SECTM1: variants seen among roughly 807,000 people sequenced by gnomAD.
The protein encoded by SECTM1 is secreted and transmembrane protein 1.
A neutral mutation model predicts 18.1 loss-of-function variants in SECTM1; 10 were observed. That is an observed-to-expected ratio of 0.55 (90% CI 0.34 to 0.94). The LOEUF is 0.94. Ranked by LOEUF, SECTM1 falls within the 40% of genes least tolerant of loss-of-function variation. The pLI is 0.02. For synonymous variants in SECTM1, 137 were observed against 139.2 expected, an observed-to-expected ratio of 0.98 and a Z score of 0.11; for missense variants, 297 against 322.6, an observed-to-expected ratio of 0.92 and a Z score of 0.61.
chr17:82,327,181 C>T lies in SECTM1; in HGVS notation c.60G>A (p.Leu20=). 1 of 1,612,708 alleles carries T rather than the reference C, an allele frequency of 6.2e-7. No individual in the cohort carries two copies. The highest frequency in any genetic ancestry group is 8.5e-7 in the Non-Finnish European group (1 of 1,179,354). The change falls in exon 2 of 5, where the codon CTG becomes CTA. Residue 20 remains leucine, a synonymous_variant. Transcript: ENST00000269389. ...GHVSQALGTL[L]FLAASLSAQN... is the part of the protein sequence containing the mutation. The stretch of plus-strand genomic sequence containing the variant: ...GAGCACTCAAGGAGGCAGCCAAAAA[C>T]AGGAGGGTCCCAAGGGCCTGGGAAA...
chr17:82,332,436 G>A (rs528524916), intron 1 of SECTM1, among the ~76,000 whole-genome samples: 3 of 152,308 alleles, frequency 2.0e-5, no homozygotes, highest in African/African-American at 7.2e-5. Context: ...TGGAAGCTCC[G>A]GCCCCCTCGG....
rs778293144 is a variant in SECTM1, at chr17:82,322,348, G to A, written c.560C>T (p.Pro187Leu). 2.5e-6 allele frequency: 4 copies of A among 1,613,764 alleles called. No individual in the cohort carries two copies. The highest frequency in any genetic ancestry group is 2.2e-5 in the East Asian group (1 of 44,884). Residue 187 changes from proline to leucine, a missense_variant, in exon 5 of 5, where the codon CCC (proline) becomes CTC (leucine). Coordinates refer to ENST00000269389, the MANE Select transcript of SECTM1 (RefSeq NM_003004.3). Reference protein sequence around the residue: ...RREKKFFLLEPQMKVAALRAG... With the variant: ...RREKKFFLLELQMKVAALRAG... ...TCTGAGGGCTGCGACCTTCATCTGG[G>A]GTTCTAGGAGGAAGAACTTCTTCTG...
chr17:82,323,413 G>C lies in SECTM1; in HGVS notation c.404-402C>G, dbSNP rs115617882. On this transcript the variant is annotated intron_variant, in intron 3 of 4. Coordinates refer to ENST00000269389, the MANE Select transcript of SECTM1 (RefSeq NM_003004.3). ...AGCCTCATGCCTGAGCCCAGGAAGG[G>C]CTCACCAGATGCCCTGGGGGTGGAG... 1.2e-3 allele frequency: 233 copies of C among 188,588 alleles called. 2 individuals are homozygous for C. The highest frequency in any genetic ancestry group is 5.2e-3 in the African/African-American group (223 of 42,820). 11.7% of individuals were successfully genotyped at this position (188,588 alleles called of 1,614,324 possible).
At position 82,325,020 on chromosome 17, in the gene SECTM1, C is replaced by A; in HGVS notation, c.95-130G>T. ...GGGACACAGTGAACTATGTATACAT[C>A]CACCCGACCCAATCAGCACATATAT... On this transcript the variant is annotated intron_variant, in intron 2 of 4. Transcript: ENST00000269389. The surrounding 1 kb of genome is among the most constrained non-coding windows in gnomAD (Gnocchi z 7.6). 1 of 760,448 alleles carries A rather than the reference C, an allele frequency of 1.3e-6. No homozygotes were observed. Among genetic ancestry groups the A allele is most frequent in the South Asian group, 1.8e-5 (1 of 54,094 alleles). The allele number at this position is 760,448 out of a possible 1,614,324, so 47.1% of individuals were successfully genotyped here.
At chr17:82,324,943 G>A (rs930467363) in intron 2 of SECTM1, 53 bp from the exon 3 acceptor site, 8 of 1,543,392 alleles carry the variant, frequency 5.2e-6, no homozygotes, top group Admixed American at 1.9e-5. Flanking sequence ...TCAGGGCATT[G>A]GCTGGCTGCT....
chr17:82,325,722 C>T lies in SECTM1; in HGVS notation c.95-832G>A, dbSNP rs1363715376. Among the ~76,000 whole-genome samples the T allele has an allele frequency of 6.6e-6, 1 of 152,376 alleles. No individual in the cohort carries two copies. The highest frequency in any genetic ancestry group is 1.9e-4 in the East Asian group (1 of 5,190). On this transcript the variant is annotated intron_variant, in intron 2 of 4. Transcript: ENST00000269389. This position sits in a 1 kb window ranked among gnomAD's most constrained non-coding sequence, Gnocchi z 7.6. Reference sequence around the variant, plus strand: ...CAAGGATGCCTGAGATTCAGGCCGTCGGGCCCGAGCATGGTACCAGCCTGA... The same window carrying T: ...CAAGGATGCCTGAGATTCAGGCCGTTGGGCCCGAGCATGGTACCAGCCTGA...
At chr17:82,332,614 C>T (rs2052200776) in intron 1 of SECTM1, among the ~76,000 whole-genome samples, 1 of 152,220 alleles carries the variant, frequency 6.6e-6, no homozygotes, top group African/African-American at 2.4e-5. Flanking sequence ...AAGACAGCTG[C>T]AGCCTGCAGA....
chr17:82,322,239 C>T lies in SECTM1; in HGVS notation c.669G>A (p.Leu223=), dbSNP rs943451435. The change falls in exon 5 of 5, where the codon CTG becomes CTA. Residue 223 remains leucine, a synonymous_variant. Transcript: ENST00000269389. ...CTCCAAGTGGTGAGGGTTTGAACACCAGTGCCAGCGGCCTTGGGGTGGGCT... is the reference window on the plus strand; with the variant it reads ...CTCCAAGTGGTGAGGGTTTGAACACTAGTGCCAGCGGCCTTGGGGTGGGCT... ...DSEPTPRPLA[L]VFKPSPLGAL... 1.2e-6 allele frequency: 2 copies of T among 1,611,262 alleles called. No homozygotes were observed. Among genetic ancestry groups the T allele is most frequent in the African/African-American group, 2.7e-5 (2 of 74,958 alleles).
chr17:82,327,977 C>T (rs2052161495), intron 1 of SECTM1, among the ~76,000 whole-genome samples: 3 of 145,512 alleles, frequency 2.1e-5, no homozygotes, highest in Admixed American at 2.0e-4. Context: ...ACCGGCCTCC[C>T]CAGCCTGTCC....
chr17:82,323,686 C>T (rs896779623), intron 3 of SECTM1, among the ~76,000 whole-genome samples: 1 of 151,952 alleles, frequency 6.6e-6, no homozygotes, highest in Non-Finnish European at 1.5e-5. Context: ...CTGCTGGCCA[C>T]CACTGCTTTC....
In SECTM1 at chr17:82,322,334, C is replaced by A; in HGVS notation, c.574G>T (p.Ala192Ser). ...TGCTGGGCTCCCGCTCTGAGGGCTGCGACCTTCATCTGGGGTTCTAGGAGG... is the reference window on the plus strand; with the variant it reads ...TGCTGGGCTCCCGCTCTGAGGGCTGAGACCTTCATCTGGGGTTCTAGGAGG... ...FFLLEPQMKV[A>S]ALRAGAQQGL... Residue 192 changes from alanine to serine, a missense_variant, in exon 5 of 5, where the codon GCA (alanine) becomes TCA (serine). Physicochemically the swap from Ala to Ser is moderately conservative, Grantham distance 99. Transcript: ENST00000269389. 1.2e-6 allele frequency: 2 copies of A among 1,613,534 alleles called. No individual in the cohort carries two copies. Among genetic ancestry groups the A allele is most frequent in the South Asian group, 1.1e-5 (1 of 91,046 alleles).
chr17:82,324,473 C>G, intron 3 of SECTM1, 109 bp downstream of exon 3: 3 of 1,191,364 alleles, frequency 2.5e-6, no homozygotes, highest in Non-Finnish European at 2.3e-6. Flanking sequence ...GCCTGCTCTT[C>G]TTCCTCCTCC....
At chr17:82,332,463 T>A (rs532522863) in intron 1 of SECTM1, among the ~76,000 whole-genome samples, 1 of 151,650 alleles carries the variant, frequency 6.6e-6, no homozygotes, top group East Asian at 2.0e-4. Flanking sequence ...TTCATTGGGG[T>A]CCTCCTGTGT....
At chr17:82,332,071 G>A (rs1445153220) in intron 1 of SECTM1, among the ~76,000 whole-genome samples, 1 of 152,222 alleles carries the variant, frequency 6.6e-6, no homozygotes, top group East Asian at 1.9e-4. Flanking sequence ...GAACCAGGGA[G>A]GTGGAGGTTG....
chr17:82,330,390 G>A lies in SECTM1; in HGVS notation c.-52-3098C>T, dbSNP rs1464184826. Among the ~76,000 whole-genome samples the A allele has an allele frequency of 1.3e-5, 2 of 152,162 alleles. No homozygotes were observed. The highest frequency in any genetic ancestry group is 3.9e-4 in the East Asian group (2 of 5,190). On this transcript the variant is annotated intron_variant, in intron 1 of 4. Coordinates refer to ENST00000269389, the MANE Select transcript of SECTM1 (RefSeq NM_003004.3). This position sits in a 1 kb window ranked among gnomAD's most constrained non-coding sequence, Gnocchi z 6.1. Reference sequence around the variant, plus strand: ...TAGGGGTGGGAATTCTGGGCACACAGCCAAAGGTCACAGATCCCCAGAGAG... The same window carrying A: ...TAGGGGTGGGAATTCTGGGCACACAACCAAAGGTCACAGATCCCCAGAGAG...
rs748719976 is a variant in SECTM1, at chr17:82,322,198, G to A, written c.710C>T (p.Ser237Phe). Residue 237 changes from serine (S) to phenylalanine (F), a missense_variant, in exon 5 of 5, where the codon TCC becomes TTC. Ser to Phe is a radical substitution (Grantham distance 155, BLOSUM62 -2). Transcript: ENST00000269389. ...GGCATATGGAAACAAGGGTTGGGGG[G>A]ACAGCAGCTCCAGGGCTCCAAGTGG... is the stretch of plus-strand genomic sequence containing the variant. ...PSPLGALELLSPQPLFPYAAD... is the reference protein window; with the variant it reads ...PSPLGALELLFPQPLFPYAAD... 4 of 1,613,510 alleles carry A rather than the reference G, an allele frequency of 2.5e-6. No individual in the cohort carries two copies. The highest frequency in any genetic ancestry group is 2.7e-5 in the African/African-American group (2 of 74,900).
At position 82,326,813 on chromosome 17, in the gene SECTM1, C is replaced by T. The variant is rs2052149571; in HGVS notation, c.94+334G>A. 6.6e-6 allele frequency among the ~76,000 whole-genome samples: 1 copy of T among 150,860 alleles called. No homozygotes were observed. The highest frequency in any genetic ancestry group is 2.1e-4 in the South Asian group (1 of 4,804). ...GCCATGGCACAGGTCGCAACTGACC[C>T]AGACCCTCTCCCTTGGAAACTGGTC... On this transcript the variant is annotated intron_variant, in intron 2 of 4. Transcript: ENST00000269389. This position sits in a 1 kb window ranked among gnomAD's most constrained non-coding sequence, Gnocchi z 4.3.
chr17:82,325,369 C>T lies in SECTM1; in HGVS notation c.95-479G>A, dbSNP rs373455998. Among the ~76,000 whole-genome samples, 8 of 152,352 alleles carry T rather than the reference C, an allele frequency of 5.3e-5. No individual in the cohort carries two copies. The highest frequency in any genetic ancestry group is 1.3e-4 in the Admixed American group (2 of 15,302). On this transcript the variant is annotated intron_variant, in intron 2 of 4. Transcript: ENST00000269389. This position sits in a 1 kb window ranked among gnomAD's most constrained non-coding sequence, Gnocchi z 7.6. Reference sequence around the variant, plus strand: ...AAGGCCTAGGCCAGGTGCAGGTGCTCGGCTGCGTGAGGAAGGGCAGGGCTT... The same window carrying T: ...AAGGCCTAGGCCAGGTGCAGGTGCTTGGCTGCGTGAGGAAGGGCAGGGCTT...
chr17:82,322,864 G>A lies in SECTM1; in HGVS notation c.537+14C>T, dbSNP rs1395628917. On this transcript the variant is annotated intron_variant, in intron 4 of 4. Coordinates refer to ENST00000269389, the MANE Select transcript of SECTM1 (RefSeq NM_003004.3). ...CTCCCCACCCCGCACAAACTGGGGT[G>A]CAGGGCCTCCTACCTCCCGGCGTTG... 1 of 1,613,070 alleles carries A rather than the reference G, an allele frequency of 6.2e-7. No individual in the cohort carries two copies. Among genetic ancestry groups the A allele is most frequent in the Admixed American group, 1.7e-5 (1 of 60,004 alleles).
Sources: gnomAD v4.1 joint callset for allele counts (sites outside exome capture counted in the v4.1 genomes callset) on GRCh38, gnomAD v4.1.1 for gene constraint, Gnocchi (gnomAD v3.1) non-coding constraint, MANE v1.5 for transcripts, NCBI Gene and HGNC (gene_info 2026-07-23, HGNC 2026-07-21) for gene names.